The following TTC23 variants were observed in gnomAD, a reference collection of about 807,000 sequenced individuals.
The protein encoded by TTC23 is tetratricopeptide repeat domain 23, also known as tetratricopeptide repeat protein 23.
TTC23 carries 58 observed loss-of-function variants against 55.1 expected under a neutral mutation model. That is an observed-to-expected ratio of 1.05 (90% confidence interval 0.85 to 1.31). The LOEUF (loss-of-function observed/expected upper bound fraction) is 1.31. TTC23 is among the 50% of genes most tolerant of loss of function. TTC23 has a pLI of 0.00. For missense variants in TTC23, 516 were observed against 534.4 expected (o/e 0.97, Z 0.34); for synonymous variants, 203 against 199.9 (o/e 1.02, Z -0.13).
intron 5 of TTC23, among the ~76,000 whole-genome samples, chr15:99,222,403 A>G (rs1305271795): frequency 2.0e-5 from 3 of 152,102 alleles, no homozygotes; most frequent in African/African-American, 7.2e-5. Context: ...CAGCCTCCTG[A>G]GCAGCTGGGA....
intron 9 of TTC23, among the ~76,000 whole-genome samples, chr15:99,190,735 C>A (rs1596520992): frequency 6.6e-6 from 1 of 152,238 alleles, no homozygotes; most frequent in South Asian, 2.1e-4. Flanking sequence ...ATGCTGCATG[C>A]ATATTTGAAT....
intron 3 of TTC23, among the ~76,000 whole-genome samples, chr15:99,237,744 A>G (rs1172291844): frequency 2.0e-5 from 3 of 152,260 alleles, no homozygotes; most frequent in Middle Eastern, 3.4e-3. Flanking sequence ...GGTGGTGGAT[A>G]TGCTCATTAT....
In TTC23 at chr15:99,137,787, G is replaced by A. The variant is rs1303978889; in HGVS notation, c.*223C>T. On this transcript the variant is annotated 3_prime_UTR_variant, in exon 14 of 14. Transcript: ENST00000394132. ...TGTTGGCAAGAAAAACCACTTAGGTGATAGAAAACTGCTTTATAGCATATA... is the reference window on the plus strand; with the variant it reads ...TGTTGGCAAGAAAAACCACTTAGGTAATAGAAAACTGCTTTATAGCATATA... 2.2e-5 allele frequency: 14 copies of A among 637,856 alleles called. No individual in the cohort carries two copies. The African/African-American group carries it at 2.4e-4, about 11-fold the overall frequency. The allele number at this position is 637,856 out of a possible 1,614,324, so 39.5% of individuals were successfully genotyped here. A position where few individuals can be genotyped will look rare whatever the true frequency, so the allele number is the denominator to read the frequency against.
rs1172377131 is a variant in TTC23 at position 99,138,002 on chromosome 15, T to TG, written c.*7dup. On this transcript the variant is annotated 3_prime_UTR_variant, in exon 14 of 14. Coordinates refer to ENST00000394132, the MANE Select transcript of TTC23 (RefSeq NM_001288615.3). Reference sequence around the variant, plus strand: ...AGGAATGTCCTAGGCTTTTTCAGGGTGGGGGCCTCAGTCTGCTGTTGTGCC... The same window carrying TG: ...AGGAATGTCCTAGGCTTTTTCAGGGTGGGGGGCCTCAGTCTGCTGTTGTGCC... 1.2e-6 allele frequency: 2 copies of TG among 1,613,838 alleles called. No individual in the cohort carries two copies. Among genetic ancestry groups the TG allele is most frequent in the African/African-American group, 2.7e-5 (2 of 74,886 alleles).
chr15:99,236,063 C>T (rs1446116113), intron 3 of TTC23, among the ~76,000 whole-genome samples: 1 of 152,156 alleles, frequency 6.6e-6, no homozygotes, highest in East Asian at 1.9e-4. Flanking sequence ...GTTGCTTCCA[C>T]CTTTTAGCTA....
chr15:99,147,007 C>T (rs1294361372), intron 12 of TTC23, among the ~76,000 whole-genome samples: 2 of 151,632 alleles, frequency 1.3e-5, no homozygotes, highest in African/African-American at 2.4e-5. Flanking sequence ...CTCTGCCTCC[C>T]AGGTTCAAGC....
chr15:99,204,729 G>C (rs1211570359), intron 8 of TTC23, among the ~76,000 whole-genome samples: 1 of 133,764 alleles, frequency 7.5e-6, no homozygotes, highest in Non-Finnish European at 1.5e-5. Flanking sequence ...TCAACCTCCT[G>C]GGCTCAAATG....
At chr15:99,138,148 G>T in intron 13 of TTC23, 21 bp from the exon 14 acceptor site, 1 of 1,610,890 alleles carries the variant, frequency 6.2e-7, no homozygotes, top group African/African-American at 1.3e-5. Flanking sequence ...GCAGAGGGTG[G>T]GGTGAGTGTG....
intron 10 of TTC23, among the ~76,000 whole-genome samples, chr15:99,165,737 C>G (rs2071984065): frequency 6.6e-6 from 1 of 152,160 alleles, no homozygotes; most frequent in Non-Finnish European, 1.5e-5. Context: ...CATAGCTGCC[C>G]ATGCGAGAAA....
chr15:99,240,716 G>C lies in TTC23; in HGVS notation c.-114+649C>G, dbSNP rs540896034. On this transcript the variant is annotated intron_variant, in intron 3 of 13. Transcript: ENST00000394132. ...TGTATCCATTTCTCTCTTTCAAAGTGAAAGGCCAACAGAGAAGGATATAAT... is the reference window on the plus strand; with the variant it reads ...TGTATCCATTTCTCTCTTTCAAAGTCAAAGGCCAACAGAGAAGGATATAAT... Among the ~76,000 whole-genome samples, 6 of 152,306 alleles carry C rather than the reference G, an allele frequency of 3.9e-5. No individual in the cohort carries two copies. In the South Asian group the frequency reaches 1.2e-3, roughly 32 times the overall value.
chr15:99,208,392 A>G (rs917150364), intron 8 of TTC23, among the ~76,000 whole-genome samples: 1 of 152,214 alleles, frequency 6.6e-6, no homozygotes, highest in Non-Finnish European at 1.5e-5. Flanking sequence ...GGAAGAATGC[A>G]TAACAAGCTT....
intron 3 of TTC23, among the ~76,000 whole-genome samples, chr15:99,239,769 A>G (rs922891848): frequency 6.6e-6 from 1 of 152,206 alleles, no homozygotes; most frequent in Non-Finnish European, 1.5e-5. Flanking sequence ...AGATTCAAGA[A>G]CCTGTGCTGT....
chr15:99,204,644 TTTTTTTTTTTTA>T (rs2076469689), intron 8 of TTC23, among the ~76,000 whole-genome samples: 1 of 130,598 alleles, frequency 7.7e-6, no homozygotes, highest in African/African-American at 3.3e-5. Context: ...TTTTTTTTTT[TTTTTTTTTTTTA>T]GACAGGTCTT....
intron 9 of TTC23, among the ~76,000 whole-genome samples, chr15:99,182,006 T>A (rs150338369): frequency 6.6e-6 from 1 of 152,200 alleles, no homozygotes; most frequent in African/African-American, 2.4e-5. Context: ...GGGCTTATAT[T>A]TTCTTCGTTT....
At chr15:99,204,632 G>GTTTTTTTGT (rs2076457423) in intron 8 of TTC23, among the ~76,000 whole-genome samples, 1 of 60,892 alleles carries the variant, frequency 1.6e-5, no homozygotes, top group Non-Finnish European at 2.8e-5. Flanking sequence ...TAGATTTAAG[G>GTTTTTTTGT]TTTTTTTTTT....
intron 13 of TTC23, 38 bp from the exon 14 acceptor site, chr15:99,138,165 C>A (rs1228754772): frequency 6.2e-7 from 1 of 1,607,336 alleles, no homozygotes; most frequent in Admixed American, 1.7e-5. Context: ...TGTGGTGCCC[C>A]TCAGCCCCCC....
At chr15:99,201,353 A>G (rs1251732168) in intron 8 of TTC23, among the ~76,000 whole-genome samples, 3 of 152,152 alleles carry the variant, frequency 2.0e-5, no homozygotes, top group African/African-American at 7.2e-5. Context: ...CTTTTCTTTC[A>G]TGGAAAAATT....
intron 9 of TTC23, among the ~76,000 whole-genome samples, chr15:99,182,629 C>CT (rs766861222): frequency 6.6e-6 from 1 of 151,668 alleles, no homozygotes; most frequent in Non-Finnish European, 1.5e-5. Context: ...CTTCCTTTCT[C>CT]TTTTTTTTCT....
intron 9 of TTC23, among the ~76,000 whole-genome samples, chr15:99,190,269 T>A (rs995209270): frequency 2.4e-4 from 36 of 150,054 alleles, no homozygotes; most frequent in Non-Finnish European, 3.0e-4. Context: ...TTTTTTTTTT[T>A]GTTTGTTTTT....
Sources: gnomAD v4.1 joint callset for allele counts (sites outside exome capture counted in the v4.1 genomes callset) on GRCh38, gnomAD v4.1.1 for gene constraint, MANE v1.5 for transcripts, NCBI Gene and HGNC (gene_info 2026-07-23, HGNC 2026-07-21) for gene names.